SERPINI1: variants seen among roughly 807,000 people sequenced by gnomAD.
SERPINI1 encodes serpin family I member 1, also known as neuroserpin.
SERPINI1 carries 19 observed loss-of-function variants against 41.1 expected under a neutral mutation model. That is an observed-to-expected ratio of 0.46 (90% CI 0.32 to 0.68). The LOEUF (loss-of-function observed/expected upper bound fraction) is 0.68, where lower values mean the gene tolerates loss of function less well. Among genes scored for constraint, SERPINI1 ranks in the 30% least tolerant of loss-of-function variants. The probability of loss-of-function intolerance (pLI) is 0.03; values close to 1 mark genes in which losing one functional copy is unlikely to be tolerated. For synonymous variants in SERPINI1, 138 were observed against 156.6 expected (o/e 0.88, Z 0.89); for missense variants, 460 against 479.2 (o/e 0.96, Z 0.37).
intron 5 of SERPINI1, 45 bp downstream of exon 5, chr3:167,794,869 C>A: frequency 6.6e-7 from 1 of 1,508,062 alleles, no homozygotes; most frequent in Non-Finnish European, 9.2e-7. Flanking sequence ...GGACGATGGG[C>A]TATCAATGAA....
At chr3:167,762,854 A>G (rs73035362) in intron 1 of SERPINI1, among the ~76,000 whole-genome samples, 7,405 of 152,106 alleles carry the variant, frequency 0.049, 595 homozygotes, top group African/African-American at 0.17. Context: ...AGGTTTTTGA[A>G]GACTTGAATG....
At chr3:167,821,482 G>T (rs1712325166) in intron 6 of SERPINI1, among the ~76,000 whole-genome samples, 2 of 152,280 alleles carry the variant, frequency 1.3e-5, no homozygotes, top group South Asian at 4.1e-4. Context: ...CCATGCCAGT[G>T]CCTGGAGCTG....
intron 1 of SERPINI1, among the ~76,000 whole-genome samples, chr3:167,782,269 C>CT (rs1727158010): frequency 6.6e-6 from 1 of 152,038 alleles, no homozygotes; most frequent in Non-Finnish European, 1.5e-5. Context: ...ATTTTGGTAC[C>CT]ACCTTCTGCG....
In SERPINI1 at chr3:167,788,538, A is replaced by G. The variant is rs573554928; in HGVS notation, c.-18-573A>G. Among the ~76,000 whole-genome samples, 3 of 152,290 alleles carry G rather than the reference A, an allele frequency of 2.0e-5. No individual in the cohort carries two copies. The East Asian group carries it at 5.8e-4, about 29-fold the overall frequency. ...CCTAGGAACCAATACGTGAGGAACA[A>G]TCACACAAGGATGTGCTGAGTCTGC... is the stretch of plus-strand genomic sequence containing the variant. On this transcript the variant is annotated intron_variant, in intron 1 of 8. Transcript: ENST00000446050.
At chr3:167,784,696 C>T (rs140511081) in intron 1 of SERPINI1, among the ~76,000 whole-genome samples, 218 of 152,210 alleles carry the variant, frequency 1.4e-3, no homozygotes, top group African/African-American at 4.9e-3. Flanking sequence ...GAAACTCACT[C>T]ACTATTATGA....
chr3:167,767,385 C>G (rs1726601818), intron 1 of SERPINI1, among the ~76,000 whole-genome samples: 1 of 152,170 alleles, frequency 6.6e-6, no homozygotes, highest in African/African-American at 2.4e-5. Flanking sequence ...TATCTGATCA[C>G]CCAAGAGCTC....
intron 1 of SERPINI1, among the ~76,000 whole-genome samples, chr3:167,749,875 G>A (rs962959968): frequency 2.6e-5 from 4 of 152,162 alleles, no homozygotes; most frequent in East Asian, 1.9e-4. Context: ...CATAGGTGCC[G>A]GAAGGGTTCA....
In SERPINI1 at chr3:167,790,427, C is replaced by T. The variant is rs1727464431; in HGVS notation, c.306C>T (p.Ser102=). 25 of 1,613,796 alleles carry T rather than the reference C, an allele frequency of 1.5e-5. No individual in the cohort carries two copies. The highest frequency in any genetic ancestry group is 1.9e-5 in the Non-Finnish European group (23 of 1,179,866). ...EFSNMVTAKE[S]QYVMKIANSL... ...CAAACATGGTAACTGCTAAAGAGAG[C>T]CAATATGTGATGAAAATTGCCAATT... The change falls in exon 3 of 9, where the codon AGC becomes AGT. Residue 102 remains serine, a synonymous_variant. Transcript: ENST00000446050.
At chr3:167,818,416 T>C (rs577694286) in intron 6 of SERPINI1, among the ~76,000 whole-genome samples, 1 of 152,348 alleles carries the variant, frequency 6.6e-6, no homozygotes, top group South Asian at 2.1e-4. Context: ...TAGATATTCA[T>C]AGTAAATAAC....
intron 1 of SERPINI1, among the ~76,000 whole-genome samples, chr3:167,739,017 C>T (rs1725576946): frequency 6.6e-6 from 1 of 151,538 alleles, no homozygotes; most frequent in Admixed American, 6.6e-5. Context: ...GAGCAAGAGC[C>T]CATTTATTTA....
At chr3:167,815,753 TTGTC>T (rs1712060673) in intron 6 of SERPINI1, among the ~76,000 whole-genome samples, 1 of 152,162 alleles carries the variant, frequency 6.6e-6, no homozygotes, top group Non-Finnish European at 1.5e-5. Flanking sequence ...TGAAGGCTGA[TTGTC>T]TTAAGGTCTC....
chr3:167,806,199 A>T (rs1352810238), intron 5 of SERPINI1, among the ~76,000 whole-genome samples: 1 of 152,132 alleles, frequency 6.6e-6, no homozygotes, highest in Non-Finnish European at 1.5e-5. Context: ...GGAAACGATC[A>T]TCCTCAGCAA....
At chr3:167,740,148 G>T (rs756083986) in intron 1 of SERPINI1, among the ~76,000 whole-genome samples, 3 of 150,356 alleles carry the variant, frequency 2.0e-5, no homozygotes, top group Non-Finnish European at 3.0e-5. Context: ...TCCTCACACC[G>T]CAGACTCCCC....
chr3:167,779,401 C>T (rs1727051929), intron 1 of SERPINI1, among the ~76,000 whole-genome samples: 2 of 152,086 alleles, frequency 1.3e-5, no homozygotes, highest in Non-Finnish European at 2.9e-5. Context: ...TACCAAAATA[C>T]ATTTGCTTAA....
chr3:167,762,591 A>C (rs867265877), intron 1 of SERPINI1, among the ~76,000 whole-genome samples: 5 of 152,082 alleles, frequency 3.3e-5, no homozygotes, highest in South Asian at 2.1e-4. Flanking sequence ...CTCATTCCTC[A>C]GCATTTGCAC....
intron 6 of SERPINI1, among the ~76,000 whole-genome samples, chr3:167,810,295 G>A (rs1045379021): frequency 1.3e-5 from 2 of 151,942 alleles, no homozygotes; most frequent in African/African-American, 4.8e-5. Flanking sequence ...AAATACCCAG[G>A]AAAATTATTT....
intron 1 of SERPINI1, among the ~76,000 whole-genome samples, chr3:167,744,577 G>C (rs773638445): frequency 3.8e-4 from 54 of 141,132 alleles, no homozygotes; most frequent in Non-Finnish European, 6.2e-4. Flanking sequence ...TTAAAATATA[G>C]TTAATATTTT....
At chr3:167,783,062 C>A (rs1458312781) in intron 1 of SERPINI1, among the ~76,000 whole-genome samples, 1 of 152,154 alleles carries the variant, frequency 6.6e-6, no homozygotes, top group African/African-American at 2.4e-5. Context: ...TAGGAATAGC[C>A]TGGTCATAAG....
At chr3:167,769,251 C>CAA (rs1726664660) in intron 1 of SERPINI1, among the ~76,000 whole-genome samples, 1 of 152,160 alleles carries the variant, frequency 6.6e-6, no homozygotes, top group African/African-American at 2.4e-5. Context: ...CTTGGCCTCT[C>CAA]AAAGTGCTGG....
Sources: gnomAD v4.1 joint callset for allele counts (sites outside exome capture counted in the v4.1 genomes callset) on GRCh38, gnomAD v4.1.1 for gene constraint, MANE v1.5 for transcripts, NCBI Gene and HGNC (gene_info 2026-07-23, HGNC 2026-07-21) for gene names.